The following AVPI1 variants were observed in gnomAD, a reference collection of about 807,000 sequenced individuals.
AVPI1 encodes the protein arginine vasopressin-induced protein 1.
AVPI1 carries 9 observed loss-of-function variants against 11.9 expected under a neutral mutation model. That is an observed-to-expected ratio of 0.76 (90% CI 0.46 to 1.32). AVPI1 has a LOEUF of 1.32. Ranked by LOEUF, AVPI1 falls within the 40% of genes most tolerant of loss-of-function variation. The pLI, the probability that AVPI1 is intolerant of heterozygous loss-of-function variation, is 0.00. For missense variants in AVPI1, 207 were observed against 195.8 expected, an observed-to-expected ratio of 1.06 and a Z score of -0.34; for synonymous variants, 68 against 78.1, an observed-to-expected ratio of 0.87 and a Z score of 0.68.
chr10:97,677,843 C>G lies in AVPI1; in HGVS notation c.*26G>C. 6.2e-7 allele frequency: 1 copy of G among 1,612,028 alleles called. No individual in the cohort carries two copies. Among genetic ancestry groups the G allele is most frequent in the South Asian group, 1.1e-5 (1 of 90,868 alleles). ...AGGCCTTTTGGCAAGAGGGAAGACA[C>G]TGCCATTCCTGGCTCTTTCCCTGGA... On this transcript the variant is annotated 3_prime_UTR_variant, in exon 3 of 3. Transcript: ENST00000370626.
At position 97,678,129 on chromosome 10, in the gene AVPI1, A is replaced by C. The variant is rs114167759; in HGVS notation, c.288-104T>G. 281 of 1,294,244 alleles carry C rather than the reference A, an allele frequency of 2.2e-4. 1 individual carries two copies. The African/African-American group carries it at 3.8e-3, about 17-fold the overall frequency. 80.2% of individuals were successfully genotyped at this position (1,294,244 alleles called of 1,614,324 possible). ...GACCATAAAACATATGATTTGGAGC[A>C]AAATGAGAGCGGGGCTCTGCTCTGG... On this transcript the variant is annotated intron_variant, in intron 2 of 2. Transcript: ENST00000370626.
intron 2 of AVPI1, 119 bp from the exon 3 acceptor site, chr10:97,678,144 CT>C: frequency 1.7e-6 from 2 of 1,144,098 alleles, no homozygotes; most frequent in Non-Finnish European, 2.5e-6. Flanking sequence ...GAGAGCGGGG[CT>C]CTGCTCTGGT....
At position 97,679,885 on chromosome 10, in the gene AVPI1, C is replaced by T. The variant is rs1335819594; in HGVS notation, c.21G>A (p.Val7=). 1.9e-6 allele frequency: 3 copies of T among 1,586,008 alleles called. No individual in the cohort carries two copies. Among genetic ancestry groups the T allele is most frequent in the Non-Finnish European group, 1.7e-6 (2 of 1,170,496 alleles). MGTPAS[V]VSEPPPWQAP... ...CCTGCCAAGGGGGTGGCTCACTGAC[C>T]ACCGAGGCTGGGGTACCCATTGTGG... Residue 7 remains valine (V), a synonymous_variant, in exon 2 of 3, where the codon GTG becomes GTA. Coordinates refer to ENST00000370626, the MANE Select transcript of AVPI1 (RefSeq NM_021732.3).
At chr10:97,681,693 A>G (rs554669844) in intron 1 of AVPI1, among the ~76,000 whole-genome samples, 34 of 149,188 alleles carry the variant, frequency 2.3e-4, no homozygotes, top group African/African-American at 8.3e-4. Context: ...CTGGCTAACA[A>G]GGTGAAACCC....
chr10:97,679,751 T>C lies in AVPI1; in HGVS notation c.155A>G (p.Glu52Gly), dbSNP rs1319036069. The C allele has an allele frequency of 1.9e-6, 3 of 1,614,126 alleles. No homozygotes were observed. Among genetic ancestry groups the C allele is most frequent in the East Asian group, 2.2e-5 (1 of 44,886 alleles). ...LFQRSGDQLAEERAQIIWECA... is the reference protein window; with the variant it reads ...LFQRSGDQLAGERAQIIWECA... ...TTCCCAGATGATCTGTGCCCGTTCC[T>C]CGGCCAGCTGGTCCCCGCTGCGTTG... The change falls in exon 2 of 3, where the codon GAG becomes GGG. Residue 52 changes from glutamate to glycine, a missense_variant. Transcript: ENST00000370626.
In AVPI1 at chr10:97,679,760, T is replaced by A. The variant is rs1188294225; in HGVS notation, c.146A>T (p.Gln49Leu). 6.2e-7 allele frequency: 1 copy of A among 1,614,142 alleles called. No individual in the cohort carries two copies. Among genetic ancestry groups the A allele is most frequent in the Admixed American group, 1.7e-5 (1 of 60,024 alleles). ...IQALFQRSGDQLAEERAQIIW... is the reference protein window; with the variant it reads ...IQALFQRSGDLLAEERAQIIW... ...GATCTGTGCCCGTTCCTCGGCCAGC[T>A]GGTCCCCGCTGCGTTGAAACAGGGC... Residue 49 changes from glutamine (Q) to leucine (L), a missense_variant, in exon 2 of 3, where the codon CAG (glutamine) becomes CTG (leucine). Coordinates refer to ENST00000370626, the MANE Select transcript of AVPI1 (RefSeq NM_021732.3).
chr10:97,681,116 C>T (rs919901973), intron 1 of AVPI1, among the ~76,000 whole-genome samples: 1 of 152,192 alleles, frequency 6.6e-6, no homozygotes, highest in Non-Finnish European at 1.5e-5. Context: ...ACACCTTAAG[C>T]AAGTTACCCA....
chr10:97,685,951 T>C (rs1046030487), intron 1 of AVPI1, among the ~76,000 whole-genome samples: 1 of 152,066 alleles, frequency 6.6e-6, no homozygotes, highest in African/African-American at 2.4e-5. Flanking sequence ...TGACCTTGGA[T>C]AAGTCTCAGT....
intron 2 of AVPI1, among the ~76,000 whole-genome samples, chr10:97,678,427 C>G (rs1012424247): frequency 6.6e-6 from 1 of 152,064 alleles, no homozygotes; most frequent in Non-Finnish European, 1.5e-5. Flanking sequence ...TGATTGTGGG[C>G]CCCAGAGAAG....
In AVPI1 at chr10:97,678,958, TG is replaced by T. The variant is rs2041685808; in HGVS notation, c.287+660del. Among the ~76,000 whole-genome samples, 5 of 60,354 alleles carry T rather than the reference TG, an allele frequency of 8.3e-5. 2 individuals are homozygous for T. Among genetic ancestry groups the T allele is most frequent in the African/African-American group, 1.3e-4 (2 of 15,626 alleles). The allele number at this position is 60,354 out of a possible 152,430, so 39.6% of individuals were successfully genotyped here. Reference sequence around the variant, plus strand: ...GTGTGTGTGTGTGTGTGTGTGTGTGTGTGTGTGTGTGTGTGTGTGTGTGTGT... The same window carrying T: ...GTGTGTGTGTGTGTGTGTGTGTGTGTTGTGTGTGTGTGTGTGTGTGTGTGT... On this transcript the variant is annotated intron_variant, in intron 2 of 2. Transcript: ENST00000370626.
intron 1 of AVPI1, 60 bp from the exon 2 acceptor site, chr10:97,679,975 T>A: frequency 7.1e-7 from 1 of 1,400,904 alleles, no homozygotes; most frequent in East Asian, 2.5e-5. Context: ...GACCTGGGGG[T>A]CCTGGCTAAT....
Position 97,677,656 on chromosome 10 carries a change from A to G in AVPI1, c.*213T>C. The G allele has an allele frequency of 1.8e-6, 1 of 558,022 alleles. No homozygotes were observed. Among genetic ancestry groups the G allele is most frequent in the South Asian group, 2.3e-5 (1 of 43,514 alleles). 34.6% of individuals were successfully genotyped at this position (558,022 alleles called of 1,614,324 possible). On this transcript the variant is annotated 3_prime_UTR_variant, in exon 3 of 3. Transcript: ENST00000370626. Reference sequence around the variant, plus strand: ...GGGAAGGACTGTGGCAGGAACAGTCACTGTCTCTCCTCATTTTGGTGAGGA... The same window carrying G: ...GGGAAGGACTGTGGCAGGAACAGTCGCTGTCTCTCCTCATTTTGGTGAGGA...
chr10:97,681,038 T>A (rs2041700779), intron 1 of AVPI1, among the ~76,000 whole-genome samples: 1 of 152,176 alleles, frequency 6.6e-6, no homozygotes, highest in African/African-American at 2.4e-5. Context: ...CCCATCCTTG[T>A]CTCCAGCACA....
Position 97,679,601 on chromosome 10 carries a change from C to A in AVPI1, c.287+18G>T. On this transcript the variant is annotated intron_variant, in intron 2 of 2. Coordinates refer to ENST00000370626, the MANE Select transcript of AVPI1 (RefSeq NM_021732.3). Reference sequence around the variant, plus strand: ...GCATTAGTGCTCTTCCCTCAGCCATCCGGTTCTAGGAACCTACCTGAGGCG... The same window carrying A: ...GCATTAGTGCTCTTCCCTCAGCCATACGGTTCTAGGAACCTACCTGAGGCG... 6.3e-7 allele frequency: 1 copy of A among 1,597,204 alleles called. No homozygotes were observed. Among genetic ancestry groups the A allele is most frequent in the Non-Finnish European group, 8.5e-7 (1 of 1,170,712 alleles).
rs1342058801 is a variant in AVPI1 at position 97,677,424 on chromosome 10, T to C, written c.*445A>G. The C allele has an allele frequency of 3.2e-5, 5 of 156,652 alleles. No individual in the cohort carries two copies. The highest frequency in any genetic ancestry group is 7.2e-5 in the African/African-American group (3 of 41,504). 9.7% of individuals were successfully genotyped at this position (156,652 alleles called of 1,614,324 possible). A position where few individuals can be genotyped will look rare whatever the true frequency, so the allele number is the denominator to read the frequency against. On this transcript the variant is annotated 3_prime_UTR_variant, in exon 3 of 3. Coordinates refer to ENST00000370626, the MANE Select transcript of AVPI1 (RefSeq NM_021732.3). ...CTTCTGTGACAGACTCACACAGCTC[T>C]TGATGCAAATGTTTTTATTTGCCAC...
chr10:97,680,384 C>T (rs1281511142), intron 1 of AVPI1, among the ~76,000 whole-genome samples: 4 of 152,168 alleles, frequency 2.6e-5, no homozygotes, highest in African/African-American at 9.7e-5. Flanking sequence ...GTATTTTAAT[C>T]CTCCTCATTT....
At position 97,686,823 on chromosome 10, in the gene AVPI1, C is replaced by T. The variant is rs1176433632; in HGVS notation, c.-68G>A. On this transcript the variant is annotated 5_prime_UTR_variant, in exon 1 of 3. Transcript: ENST00000370626. Reference sequence around the variant, plus strand: ...TGGGGATGGGGCAAGCTAAGATGCGCCCACTCCAACCTCTTCCACAGCCTT... The same window carrying T: ...TGGGGATGGGGCAAGCTAAGATGCGTCCACTCCAACCTCTTCCACAGCCTT... The T allele has an allele frequency of 6.6e-6, 1 of 152,362 alleles. No homozygotes were observed. Among genetic ancestry groups the T allele is most frequent in the Non-Finnish European group, 1.5e-5 (1 of 68,200 alleles). The allele number at this position is 152,362 out of a possible 1,614,324, so 9.4% of individuals were successfully genotyped here. A position where few individuals can be genotyped will look rare whatever the true frequency, so the allele number is the denominator to read the frequency against.
Position 97,679,895 on chromosome 10 carries a change from G to T in AVPI1, c.11C>A (p.Pro4Gln). The change falls in exon 2 of 3, where the codon CCA (proline) becomes CAA (glutamine). Residue 4 changes from proline (P) to glutamine (Q), a missense_variant. Physicochemically the swap from Pro to Gln is moderately conservative, Grantham distance 76 (BLOSUM62 -1). Coordinates refer to ENST00000370626, the MANE Select transcript of AVPI1 (RefSeq NM_021732.3). MGTPASVVSEPPPW... is the reference protein window; with the variant it reads MGTQASVVSEPPPW... Reference sequence around the variant, plus strand: ...GGGTGGCTCACTGACCACCGAGGCTGGGGTACCCATTGTGGATGCTCTGAG... The same window carrying T: ...GGGTGGCTCACTGACCACCGAGGCTTGGGTACCCATTGTGGATGCTCTGAG... 6.3e-7 allele frequency: 1 copy of T among 1,578,510 alleles called. No individual in the cohort carries two copies. Among genetic ancestry groups the T allele is most frequent in the Non-Finnish European group, 8.6e-7 (1 of 1,167,152 alleles).
chr10:97,687,213 A>C lies in AVPI1; in HGVS notation c.-458T>G, dbSNP rs548204984. The C allele has an allele frequency of 6.6e-6, 1 of 152,404 alleles. No homozygotes were observed. The highest frequency in any genetic ancestry group is 2.4e-5 in the African/African-American group (1 of 41,472). The allele number at this position is 152,404 out of a possible 1,614,324, so 9.4% of individuals were successfully genotyped here. A position where few individuals can be genotyped will look rare whatever the true frequency, so the allele number is the denominator to read the frequency against. On this transcript the variant is annotated 5_prime_UTR_variant, in exon 1 of 3. Coordinates refer to ENST00000370626, the MANE Select transcript of AVPI1 (RefSeq NM_021732.3). Reference sequence around the variant, plus strand: ...GGAGAAAGCGCTCCCTAGCCCCGGAACAGCCAATCCTCGGCCCTAGCCAGG... The same window carrying C: ...GGAGAAAGCGCTCCCTAGCCCCGGACCAGCCAATCCTCGGCCCTAGCCAGG...
Sources: gnomAD v4.1 joint callset for allele counts (sites outside exome capture counted in the v4.1 genomes callset) on GRCh38, gnomAD v4.1.1 for gene constraint, MANE v1.5 for transcripts, NCBI Gene and HGNC (gene_info 2026-07-23, HGNC 2026-07-21) for gene names.